PPME1: variants seen among roughly 807,000 people sequenced by gnomAD.
PPME1 encodes the protein testicular secretory protein Li 39.
PPME1 carries 17 observed loss-of-function variants against 56.9 expected under a neutral mutation model. The observed-to-expected ratio is 0.30, with a 90% CI of 0.20 to 0.45. The LOEUF is 0.45. Ranked by LOEUF, PPME1 falls within the 20% of genes least tolerant of loss-of-function variation. The pLI is 1.00. For synonymous variants in PPME1, 122 were observed against 156.2 expected (o/e 0.78, Z 1.63); for missense variants, 357 against 483.2 (o/e 0.74, Z 2.45).
intron 7 of PPME1, among the ~76,000 whole-genome samples, chr11:74,233,822 G>T (rs1481798443): frequency 6.6e-6 from 1 of 152,022 alleles, no homozygotes; most frequent in African/African-American, 2.4e-5. Context: ...ACCTTGTCTC[G>T]AAACAAAACA....
chr11:74,194,861 A>C (rs1291552736), intron 1 of PPME1, among the ~76,000 whole-genome samples: 1 of 152,212 alleles, frequency 6.6e-6, no homozygotes, highest in Non-Finnish European at 1.5e-5. Flanking sequence ...TACAACAAGA[A>C]AAATATGGGA....
intron 1 of PPME1, among the ~76,000 whole-genome samples, chr11:74,175,282 C>T (rs1379331511): frequency 6.6e-6 from 1 of 152,104 alleles, no homozygotes; most frequent in Non-Finnish European, 1.5e-5. Context: ...GCGGGTGGAT[C>T]ACCTGAGGTC....
intron 13 of PPME1, among the ~76,000 whole-genome samples, chr11:74,252,238 T>TG (rs1565398534): frequency 9.5e-5 from 14 of 148,070 alleles, no homozygotes; most frequent in Middle Eastern, 3.4e-3. Context: ...CGGCTAATTT[T>TG]GTTTTTTTTT....
intron 3 of PPME1, among the ~76,000 whole-genome samples, chr11:74,220,983 A>G (rs1858785321): frequency 6.6e-6 from 1 of 152,176 alleles, no homozygotes; most frequent in South Asian, 2.1e-4. Flanking sequence ...TCATGAGAGC[A>G]GGAGTATTGC....
intron 8 of PPME1, among the ~76,000 whole-genome samples, chr11:74,236,791 C>T (rs978374292): frequency 6.6e-6 from 1 of 152,112 alleles, no homozygotes; most frequent in African/African-American, 2.4e-5. Flanking sequence ...AATATAATTT[C>T]CTCTGCAAGA....
chr11:74,214,613 A>C (rs924999553), intron 3 of PPME1, among the ~76,000 whole-genome samples: 11 of 152,142 alleles, frequency 7.2e-5, no homozygotes, highest in African/African-American at 2.7e-4. Flanking sequence ...ACTCCAGTAC[A>C]TCTGGAAGCA....
Position 74,253,606 on chromosome 11 carries a change from C to T in PPME1, c.*96C>T. 1 of 1,390,634 alleles carries T rather than the reference C, an allele frequency of 7.2e-7. No individual in the cohort carries two copies. The highest frequency in any genetic ancestry group is 1.0e-6 in the Non-Finnish European group (1 of 978,388). The allele number at this position is 1,390,634 out of a possible 1,614,324, so 86.1% of individuals were successfully genotyped here. A position where few individuals can be genotyped will look rare whatever the true frequency, so the allele number is the denominator to read the frequency against. ...GCCACTGTCTCCTCTCCATCCCGCCCAGCCATGTGACACTGGCTCCCGGTA... is the reference window on the plus strand; with the variant it reads ...GCCACTGTCTCCTCTCCATCCCGCCTAGCCATGTGACACTGGCTCCCGGTA... On this transcript the variant is annotated 3_prime_UTR_variant, in exon 14 of 14. Transcript: ENST00000328257.
At chr11:74,237,097 A>G (rs1247046482) in intron 8 of PPME1, among the ~76,000 whole-genome samples, 1 of 149,574 alleles carries the variant, frequency 6.7e-6, no homozygotes, top group Non-Finnish European at 1.5e-5. Flanking sequence ...AGAATTTCCC[A>G]TGATCTGGAT....
At chr11:74,226,341 A>G (rs564015638) in intron 5 of PPME1, among the ~76,000 whole-genome samples, 205 of 152,340 alleles carry the variant, frequency 1.3e-3, no homozygotes, top group Non-Finnish European at 2.5e-3. Context: ...TCACACAGTC[A>G]GTAGATTGAA....
At chr11:74,171,692 G>A (rs1230575721) in intron 1 of PPME1, among the ~76,000 whole-genome samples, 170 bp downstream of exon 1, 1 of 152,276 alleles carries the variant, frequency 6.6e-6, no homozygotes, top group African/African-American at 2.4e-5. Flanking sequence ...TAGGGGAGGC[G>A]CCAAGTCAAT....
At chr11:74,190,418 TCTTGC>T (rs1313861739) in intron 1 of PPME1, among the ~76,000 whole-genome samples, 35 of 152,320 alleles carry the variant, frequency 2.3e-4, no homozygotes, top group African/African-American at 7.7e-4. Flanking sequence ...CGGCTCCCAC[TCTTGC>T]CATGTGATGT....
At chr11:74,185,714 T>C (rs1314693050) in intron 1 of PPME1, among the ~76,000 whole-genome samples, 1 of 151,980 alleles carries the variant, frequency 6.6e-6, no homozygotes, top group Admixed American at 6.6e-5. Flanking sequence ...GTTGTTTTCC[T>C]GTTGGGTGAA....
intron 1 of PPME1, among the ~76,000 whole-genome samples, chr11:74,189,673 TC>T (rs1196760634): frequency 6.6e-6 from 1 of 152,192 alleles, no homozygotes; most frequent in East Asian, 1.9e-4. Flanking sequence ...TCCATTATTT[TC>T]CCTGCAGTTG....
intron 1 of PPME1, among the ~76,000 whole-genome samples, chr11:74,179,278 T>G (rs1454975136): frequency 6.6e-6 from 1 of 152,202 alleles, no homozygotes; most frequent in Non-Finnish European, 1.5e-5. Context: ...CTGACGTACT[T>G]GTTTAAATCC....
At chr11:74,217,657 C>A (rs1591046328) in intron 3 of PPME1, among the ~76,000 whole-genome samples, 1 of 149,300 alleles carries the variant, frequency 6.7e-6, no homozygotes, top group East Asian at 2.0e-4. Context: ...TACATCATAT[C>A]AACAGAATGA....
chr11:74,181,667 A>G (rs1403347003), intron 1 of PPME1, among the ~76,000 whole-genome samples: 1 of 152,208 alleles, frequency 6.6e-6, no homozygotes, highest in African/African-American at 2.4e-5. Context: ...GCACAAATTC[A>G]TTTAAAATAA....
intron 9 of PPME1, among the ~76,000 whole-genome samples, chr11:74,245,196 A>AT (rs1195820002): frequency 5.3e-5 from 8 of 151,054 alleles, no homozygotes; most frequent in South Asian, 2.1e-4. Context: ...TTTTAAGGTG[A>AT]TTTTTTTTAT....
intron 5 of PPME1, among the ~76,000 whole-genome samples, chr11:74,227,740 C>G (rs1428544252): frequency 1.3e-5 from 2 of 152,062 alleles, no homozygotes; most frequent in African/African-American, 4.8e-5. Context: ...TATTGTATTT[C>G]TCTGGATTTT....
rs573348971 is a variant in PPME1 at position 74,241,330 on chromosome 11, A to G, written c.834+2074A>G. 2.6e-5 allele frequency among the ~76,000 whole-genome samples: 4 copies of G among 152,312 alleles called. No homozygotes were observed. The East Asian group carries it at 5.8e-4, about 22-fold the overall frequency. ...CACGTATCAAATACTTCATTTCTCT[A>G]TATGGTTGAATAATGTGACATTGTA... On this transcript the variant is annotated intron_variant, in intron 9 of 13. Transcript: ENST00000328257.
Sources: allele counts gnomAD v4.1 joint callset (sites outside exome capture counted in the v4.1 genomes callset), GRCh38; gene constraint gnomAD v4.1.1; transcripts MANE v1.5; gene names NCBI Gene and HGNC (gene_info 2026-07-23, HGNC 2026-07-21).